The following ABCA13 variants were observed in gnomAD, a reference collection of about 807,000 sequenced individuals.
ABCA13 encodes ATP-binding cassette sub-family A member 13.
In ABCA13, 476 loss-of-function variants were observed where a neutral mutation model predicts 478.7. That is an observed-to-expected ratio of 0.99 (90% CI 0.92 to 1.07). ABCA13 has a LOEUF of 1.07. Ranked by LOEUF, ABCA13 falls within the 50% of genes least tolerant of loss-of-function variation. The probability of loss-of-function intolerance (pLI) is 0.00; values close to 1 mark genes in which losing one functional copy is unlikely to be tolerated. For synonymous variants in ABCA13, 2,252 were observed against 2,158.9 expected, an observed-to-expected ratio of 1.04 and a Z score of -1.20; for missense variants, 6,060 against 5,910.6, an observed-to-expected ratio of 1.03 and a Z score of -0.83.
chr7:48,397,434 A>G (rs1472303313), intron 38 of ABCA13, among the ~76,000 whole-genome samples: 3 of 152,060 alleles, frequency 2.0e-5, no homozygotes, highest in Non-Finnish European at 2.9e-5. Context: ...CATTTCTTTC[A>G]AAGTGTCAAA....
At chr7:48,460,749 G>A (rs1585419762) in intron 43 of ABCA13, among the ~76,000 whole-genome samples, 1 of 152,318 alleles carries the variant, frequency 6.6e-6, no homozygotes, top group East Asian at 1.9e-4. Flanking sequence ...TTGGTGTTCT[G>A]TAAAACTCAA....
chr7:48,497,514 A>G (rs1252092901), intron 48 of ABCA13, among the ~76,000 whole-genome samples: 2 of 152,170 alleles, frequency 1.3e-5, no homozygotes, highest in African/African-American at 4.8e-5. Context: ...AAACTGTAAT[A>G]TGTGACTCTG....
At chr7:48,568,761 T>C (rs1324491537) in intron 55 of ABCA13, among the ~76,000 whole-genome samples, 1 of 151,976 alleles carries the variant, frequency 6.6e-6, no homozygotes, top group Non-Finnish European at 1.5e-5. Context: ...AAAAGGTTTT[T>C]TGGCATTGTT....
At chr7:48,397,982 A>T (rs1410723551) in intron 38 of ABCA13, among the ~76,000 whole-genome samples, 1 of 152,208 alleles carries the variant, frequency 6.6e-6, no homozygotes, top group Admixed American at 6.5e-5. Context: ...GCTGGTTCAC[A>T]TCTTGTGCTG....
chr7:48,182,664 A>G (rs1205599341), intron 1 of ABCA13, among the ~76,000 whole-genome samples: 2 of 152,228 alleles, frequency 1.3e-5, no homozygotes, highest in African/African-American at 2.4e-5. Flanking sequence ...CTCCTCACAA[A>G]AAAAGAGAGA....
intron 27 of ABCA13, among the ~76,000 whole-genome samples, chr7:48,323,772 C>G (rs1803881305): frequency 6.6e-6 from 1 of 152,170 alleles, no homozygotes; most frequent in Non-Finnish European, 1.5e-5. Flanking sequence ...CACATCTCAT[C>G]TTGAATTGCC....
intron 23 of ABCA13, among the ~76,000 whole-genome samples, chr7:48,302,942 C>A (rs1800357727): frequency 6.6e-6 from 1 of 152,186 alleles, no homozygotes; most frequent in Non-Finnish European, 1.5e-5. Flanking sequence ...AACTAATTTA[C>A]ATTCTCACCA....
At chr7:48,283,086 C>A (rs1394007077) in intron 19 of ABCA13, among the ~76,000 whole-genome samples, 1 of 152,088 alleles carries the variant, frequency 6.6e-6, no homozygotes, top group Admixed American at 6.5e-5. Context: ...TACGACTGAG[C>A]AAACTGTGGG....
intron 1 of ABCA13, among the ~76,000 whole-genome samples, chr7:48,173,693 A>C (rs1046315263): frequency 2.0e-4 from 30 of 152,236 alleles, no homozygotes; most frequent in African/African-American, 7.0e-4. Context: ...CCATGCATAG[A>C]ATTTGGAGCT....
intron 1 of ABCA13, among the ~76,000 whole-genome samples, chr7:48,192,245 T>C (rs1021101806): frequency 5.3e-5 from 8 of 152,068 alleles, no homozygotes; most frequent in African/African-American, 1.7e-4. Flanking sequence ...ATTCCATGTG[T>C]CAAAGTTAAT....
In ABCA13 at chr7:48,580,288, G is replaced by A. The variant is rs1280736825; in HGVS notation, c.14419G>A (p.Asp4807Asn). The A allele has an allele frequency of 6.2e-7, 1 of 1,612,290 alleles. No individual in the cohort carries two copies. Among genetic ancestry groups the A allele is most frequent in the African/African-American group, 1.3e-5 (1 of 74,922 alleles). ...GVLIGYCPQQ[D>N]ALDELLTGWE... ...GCTCATTGGCTACTGTCCCCAGCAGGATGCCCTGGACGAGCTTCTGACTGG... is the reference window on the plus strand; with the variant it reads ...GCTCATTGGCTACTGTCCCCAGCAGAATGCCCTGGACGAGCTTCTGACTGG... Residue 4807 changes from aspartate (D) to asparagine (N), a missense_variant, in exon 56 of 62, where the codon GAT (aspartate) becomes AAT (asparagine). Physicochemically the swap from Asp to Asn is conservative, Grantham distance 23 (BLOSUM62 1). This residue lies in a region of ABCA13 where 1,627 missense variants were observed against 1,571.0 expected (regional missense o/e 1.04). Transcript: ENST00000435803.
In ABCA13 at chr7:48,274,334, G is replaced by A. The variant is rs1562937790; in HGVS notation, c.4668G>A (p.Lys1556=). The A allele has an allele frequency of 6.2e-7, 1 of 1,613,376 alleles. No individual in the cohort carries two copies. Among genetic ancestry groups the A allele is most frequent in the East Asian group, 2.2e-5 (1 of 44,838 alleles). Residue 1556 remains lysine (K), a synonymous_variant, in exon 17 of 62, where the codon AAG becomes AAA. Transcript: ENST00000435803. ...HLITLGKEFQ[K]LVKGIYFNIL... is the part of the protein sequence containing the mutation. ...TAACACTGGGGAAGGAATTTCAGAA[G>A]CTTGTAAAAGGTATTTACTTTAACA...
At chr7:48,207,803 C>A (rs988810917) in intron 3 of ABCA13, among the ~76,000 whole-genome samples, 11 of 152,000 alleles carry the variant, frequency 7.2e-5, no homozygotes, top group Admixed American at 2.0e-4. Context: ...AGCTTTTGAG[C>A]TTGATGTGAT....
At chr7:48,556,230 C>T (rs1168839917) in intron 55 of ABCA13, among the ~76,000 whole-genome samples, 1 of 151,824 alleles carries the variant, frequency 6.6e-6, no homozygotes, top group East Asian at 1.9e-4. Context: ...CATGTATGTT[C>T]TTTCCTTGAC....
At chr7:48,179,316 C>T (rs969770524) in intron 1 of ABCA13, among the ~76,000 whole-genome samples, 2 of 152,028 alleles carry the variant, frequency 1.3e-5, no homozygotes, top group African/African-American at 4.8e-5. Context: ...TTTCTTTTTT[C>T]GATTTGGAAC....
At chr7:48,342,326 A>C (rs1434653115) in intron 29 of ABCA13, among the ~76,000 whole-genome samples, 1 of 152,044 alleles carries the variant, frequency 6.6e-6, no homozygotes, top group Non-Finnish European at 1.5e-5. Context: ...ATCAGCTCTT[A>C]AGAGGTGTGT....
At chr7:48,592,581 T>C (rs998899156) in intron 57 of ABCA13, among the ~76,000 whole-genome samples, 1 of 151,954 alleles carries the variant, frequency 6.6e-6, no homozygotes, top group Admixed American at 6.6e-5. Context: ...TGTGTATGGC[T>C]GTTAGGTCCA....
At chr7:48,248,983 A>G (rs192678765) in intron 14 of ABCA13, among the ~76,000 whole-genome samples, 17 of 152,064 alleles carry the variant, frequency 1.1e-4, no homozygotes, top group African/African-American at 3.4e-4. Flanking sequence ...TTATTGTCTT[A>G]TATTTTATGT....
intron 2 of ABCA13, among the ~76,000 whole-genome samples, chr7:48,194,495 A>T (rs1480402032): frequency 6.6e-6 from 1 of 151,962 alleles, no homozygotes; most frequent in Non-Finnish European, 1.5e-5. Context: ...ATTACTGGTA[A>T]CTTCCTGTGC....
Sources: allele counts gnomAD v4.1 joint callset (sites outside exome capture counted in the v4.1 genomes callset), GRCh38; gene constraint gnomAD v4.1.1; regional missense constraint gnomAD v4.1.1; transcripts MANE v1.5; gene names NCBI Gene and HGNC (gene_info 2026-07-23, HGNC 2026-07-21).